FRRS1: variants seen among roughly 807,000 people sequenced by gnomAD.
The protein encoded by FRRS1 is ferric chelate reductase 1, also known as ferric reductase 1.
FRRS1 carries 51 observed loss-of-function variants against 70.7 expected under a neutral mutation model. That is an observed-to-expected ratio of 0.72 (90% CI 0.58 to 0.91). The LOEUF is 0.91. FRRS1 is among the 40% of genes least tolerant of loss of function. FRRS1 has a pLI of 0.00. For missense variants in FRRS1, 672 were observed against 726.0 expected, an observed-to-expected ratio of 0.93 and a Z score of 0.86; for synonymous variants, 225 against 238.7, an observed-to-expected ratio of 0.94 and a Z score of 0.53.
chr1:99,715,108 C>T lies in FRRS1; in HGVS notation c.1323+478G>A, dbSNP rs144627820. ...CTGAGCTCAAGCAATCCTCCCGCCT[C>T]AGCCTCCCAAAGTGCTGGGATGACA... On this transcript the variant is annotated intron_variant, in intron 12 of 16. Coordinates refer to ENST00000646001, the MANE Select transcript of FRRS1 (RefSeq NM_001361041.2). Among the ~76,000 whole-genome samples the T allele has an allele frequency of 4.1e-3, 624 of 152,146 alleles. 2 individuals are homozygous for T. The highest frequency in any genetic ancestry group is 0.014 in the African/African-American group (588 of 41,498).
At chr1:99,731,713 G>T (rs1475221112) in intron 7 of FRRS1, among the ~76,000 whole-genome samples, 1 of 152,146 alleles carries the variant, frequency 6.6e-6, no homozygotes, top group Non-Finnish European at 1.5e-5. Flanking sequence ...ATCATCTATG[G>T]CTGCTTTTAT....
chr1:99,750,051 G>A (rs1416234), intron 1 of FRRS1, among the ~76,000 whole-genome samples: 1 of 152,042 alleles, frequency 6.6e-6, no homozygotes, highest in Non-Finnish European at 1.5e-5. Context: ...TCAATCAGGA[G>A]CAACTATTTA....
In FRRS1 at chr1:99,741,172, TG is replaced by T. The variant is rs565211271; in HGVS notation, c.429-233del. ...TCCCTCTTTCCTTATTTGTCTGTTT[TG>T]GGGGCATATTCACAATAGCCATGAT... is the stretch of plus-strand genomic sequence containing the variant. On this transcript the variant is annotated intron_variant, in intron 5 of 16. Transcript: ENST00000646001. 4.2e-3 allele frequency among the ~76,000 whole-genome samples: 642 copies of T among 152,350 alleles called. 2 individuals are homozygous for T. The highest frequency in any genetic ancestry group is 7.1e-3 in the Non-Finnish European group (483 of 68,028).
chr1:99,735,989 T>A (rs886594919), intron 7 of FRRS1, among the ~76,000 whole-genome samples: 1 of 152,204 alleles, frequency 6.6e-6, no homozygotes, highest in Non-Finnish European at 1.5e-5. Flanking sequence ...GTGCTGTAAC[T>A]CAGAGATGAA....
rs2100887080 is a variant in FRRS1, at chr1:99,704,506, G to A, written c.*4522C>T. Among the ~76,000 whole-genome samples, 1 of 152,280 alleles carries A rather than the reference G, an allele frequency of 6.6e-6. No homozygotes were observed. Among genetic ancestry groups the A allele is most frequent in the East Asian group, 1.9e-4 (1 of 5,170 alleles). On this transcript the variant is annotated 3_prime_UTR_variant, in exon 17 of 17. Coordinates refer to ENST00000646001, the MANE Select transcript of FRRS1 (RefSeq NM_001361041.2). ...TGGGTAGAGGAGGGCGTGGTCCCTG[G>A]CGAGGGCTCCACCCCCAAACCCGTG...
intron 9 of FRRS1, 31 bp downstream of exon 9, chr1:99,728,462 A>G: frequency 6.6e-7 from 1 of 1,524,342 alleles, no homozygotes; most frequent in East Asian, 2.3e-5. Context: ...AGAAAAAGAC[A>G]CTTGAAAAGA....
Position 99,708,961 on chromosome 1 carries a change from G to A in FRRS1, c.*67C>T. On this transcript the variant is annotated 3_prime_UTR_variant, in exon 17 of 17. Transcript: ENST00000646001. ...AAATATGCTCCAGGCAGTCAGGACA[G>A]GCTTCAAGTTTCTTTGGTTTGATGA... 3 of 1,614,002 alleles carry A rather than the reference G, an allele frequency of 1.9e-6. No individual in the cohort carries two copies. The highest frequency in any genetic ancestry group is 1.7e-4 in the Middle Eastern group (1 of 6,060).
chr1:99,762,577 C>A (rs150241524), intron 1 of FRRS1, among the ~76,000 whole-genome samples: 2 of 151,850 alleles, frequency 1.3e-5, no homozygotes, highest in African/African-American at 4.8e-5. Context: ...AATTGCTCCA[C>A]CCCACAGCTC....
chr1:99,734,391 T>C (rs771438151), intron 7 of FRRS1, among the ~76,000 whole-genome samples: 36 of 152,270 alleles, frequency 2.4e-4, no homozygotes, highest in Non-Finnish European at 4.7e-4. Flanking sequence ...CTATCTGTAA[T>C]TTACTTTCAA....
chr1:99,744,938 C>T (rs1423286729), intron 4 of FRRS1, among the ~76,000 whole-genome samples: 2 of 137,380 alleles, frequency 1.5e-5, no homozygotes, highest in East Asian at 4.6e-4. Flanking sequence ...CCACTGCACT[C>T]CAGCCTGGGC....
intron 6 of FRRS1, among the ~76,000 whole-genome samples, chr1:99,739,740 A>C (rs4907888): frequency 6.6e-6 from 1 of 152,054 alleles, no homozygotes; most frequent in African/African-American, 2.4e-5. Context: ...ACTAAGAGCT[A>C]AATATTATTA....
At chr1:99,718,430 G>C (rs1032528955) in intron 10 of FRRS1, among the ~76,000 whole-genome samples, 3 of 152,180 alleles carry the variant, frequency 2.0e-5, no homozygotes, top group Non-Finnish European at 4.4e-5. Flanking sequence ...CTGGGTTCAA[G>C]AAATTCTCCT....
intron 4 of FRRS1, among the ~76,000 whole-genome samples, chr1:99,745,340 C>T (rs1228282091): frequency 6.6e-6 from 1 of 152,266 alleles, no homozygotes; most frequent in East Asian, 1.9e-4. Context: ...GCTCCATGGA[C>T]GTTTTACCTC....
At chr1:99,758,793 T>A (rs1656968673) in intron 1 of FRRS1, among the ~76,000 whole-genome samples, 1 of 152,166 alleles carries the variant, frequency 6.6e-6, no homozygotes, top group Non-Finnish European at 1.5e-5. Context: ...ATCGCTAAAT[T>A]CTTTTCCTAG....
chr1:99,717,727 C>T (rs569561134), intron 10 of FRRS1, among the ~76,000 whole-genome samples: 6 of 152,336 alleles, frequency 3.9e-5, no homozygotes, highest in South Asian at 4.1e-4. Context: ...GCTCCTATTA[C>T]GTGCCAGGCA....
Position 99,740,888 on chromosome 1 carries a change from T to G in FRRS1, c.481A>C (p.Ile161Leu). The change falls in exon 6 of 17, where the codon ATA becomes CTA. Residue 161 changes from isoleucine (I) to leucine (L), a missense_variant. Ile to Leu is a conservative substitution (Grantham distance 5). Transcript: ENST00000646001. The stretch of plus-strand genomic sequence containing the variant: ...GGAAATGCATTTGGTTGTGAAATTA[T>G]AGGACCAGGAATCTTCACCCAGTAG... ...KIYWVKIPGP[I>L]ISQPNAFPFT... is the part of the protein sequence containing the mutation. The G allele has an allele frequency of 6.2e-7, 1 of 1,609,920 alleles. No homozygotes were observed. Among genetic ancestry groups the G allele is most frequent in the African/African-American group, 1.3e-5 (1 of 74,946 alleles).
chr1:99,723,116 A>C lies in FRRS1; in HGVS notation c.1007-3469T>G, dbSNP rs142532108. ...ATATGCCCTATATGAAGATATGTAGAAAACCATAAAATTTCATTGAAAGAC... is the reference window on the plus strand; with the variant it reads ...ATATGCCCTATATGAAGATATGTAGCAAACCATAAAATTTCATTGAAAGAC... On this transcript the variant is annotated intron_variant, in intron 9 of 16. Transcript: ENST00000646001. Among the ~76,000 whole-genome samples the C allele has an allele frequency of 2.4e-4, 36 of 152,292 alleles. No homozygotes were observed. The East Asian group carries it at 6.7e-3, about 29-fold the overall frequency.
At chr1:99,748,050 A>T (rs1415084417) in intron 3 of FRRS1, 1 of 153,688 alleles carries the variant, frequency 6.5e-6, no homozygotes, top group African/African-American at 2.4e-5. Context: ...CCTACTGTAC[A>T]GTGTGAACTC....
Position 99,728,563 on chromosome 1 carries a change from A to G in FRRS1, c.936T>C (p.Pro312=). 2 of 1,613,352 alleles carry G rather than the reference A, an allele frequency of 1.2e-6. No homozygotes were observed. Among genetic ancestry groups the G allele is most frequent in the Non-Finnish European group, 8.5e-7 (1 of 1,179,274 alleles). ...QCSFRRNITL[P]GVKNRFDLNT... ...TTAGATCAAATCTATTCTTAACTCC[A>G]GGAAGGGTAATGTTTCTTCTGAAAG... Residue 312 remains proline, a synonymous_variant, in exon 9 of 17, where the codon CCT becomes CCC. Coordinates refer to ENST00000646001, the MANE Select transcript of FRRS1 (RefSeq NM_001361041.2).
Sources: gnomAD v4.1 joint callset for allele counts (sites outside exome capture counted in the v4.1 genomes callset) on GRCh38, gnomAD v4.1.1 for gene constraint, MANE v1.5 for transcripts, NCBI Gene and HGNC (gene_info 2026-07-23, HGNC 2026-07-21) for gene names.